FAM240A: variants seen among roughly 807,000 people sequenced by gnomAD.
FAM240A encodes protein FAM240A.
In FAM240A, 8 loss-of-function variants were observed where a neutral mutation model predicts 7.3. The ratio of observed to expected loss-of-function variants is 1.09; its 90% CI spans 0.64 to 1.97. FAM240A has a LOEUF of 1.97. Ranked by LOEUF, FAM240A falls within the 30% of genes most tolerant of loss-of-function variation. The pLI is 0.00. For missense variants in FAM240A, 90 were observed against 102.2 expected, an observed-to-expected ratio of 0.88 and a Z score of 0.52; for synonymous variants, 32 against 35.9, an observed-to-expected ratio of 0.89 and a Z score of 0.38.
intron 1 of FAM240A, 22 bp from the exon 2 acceptor site, chr3:46,617,161 G>T (rs941258087): frequency 1.3e-6 from 2 of 1,484,714 alleles, no homozygotes; most frequent in Admixed American, 2.3e-5. Flanking sequence ...TTGGTTATTT[G>T]TATGGCTATT....
At chr3:46,618,867 GTATATATATATA>G (rs35741930) in intron 2 of FAM240A, among the ~76,000 whole-genome samples, 7,537 of 138,652 alleles carry the variant, frequency 0.054, 646 homozygotes, top group African/African-American at 0.18. Context: ...ATATATATAT[GTATATATATATA>G]TATACACACA....
At chr3:46,618,865 A>G (rs890375590) in intron 2 of FAM240A, among the ~76,000 whole-genome samples, 2 of 75,962 alleles carry the variant, frequency 2.6e-5, no homozygotes, top group African/African-American at 5.0e-5. Context: ...ATATATATAT[A>G]TGTATATATA....
intron 2 of FAM240A, among the ~76,000 whole-genome samples, chr3:46,621,698 C>G (rs1697696664): frequency 6.6e-6 from 1 of 151,954 alleles, no homozygotes; most frequent in Non-Finnish European, 1.5e-5. Context: ...TCACTTGAGC[C>G]TCGGGAGGTC....
intron 2 of FAM240A, among the ~76,000 whole-genome samples, chr3:46,618,095 T>A (rs1161773510): frequency 1.3e-5 from 2 of 151,948 alleles, no homozygotes; most frequent in Admixed American, 1.3e-4. Flanking sequence ...GGTAAGGGAG[T>A]ATGAGACCTT....
intron 2 of FAM240A, among the ~76,000 whole-genome samples, chr3:46,621,653 C>A (rs768532883): frequency 6.6e-6 from 1 of 151,600 alleles, no homozygotes; most frequent in South Asian, 2.1e-4. Context: ...CCAGCTACTG[C>A]GGGGGAAAGG....
Position 46,625,280 on chromosome 3 carries a change from AG to A in FAM240A, c.*63del. ...CACTGAGGTCACTTTGCTAGAAGTC[AG>A]TGCAAATTCCTGAGTCCCTTTGCTA... On this transcript the variant is annotated 3_prime_UTR_variant, in exon 3 of 3. Coordinates refer to ENST00000640551, the MANE Select transcript of FAM240A (RefSeq NM_001195442.2). 7.7e-7 allele frequency: 1 copy of A among 1,295,652 alleles called. No homozygotes were observed. The highest frequency in any genetic ancestry group is 1.1e-6 in the Non-Finnish European group (1 of 935,884). 80.3% of individuals were successfully genotyped at this position (1,295,652 alleles called of 1,614,324 possible).
At chr3:46,617,386 A>C (rs1486275165) in intron 2 of FAM240A, 58 bp downstream of exon 2, 2 of 1,413,474 alleles carry the variant, frequency 1.4e-6, no homozygotes, top group Non-Finnish European at 1.9e-6. Flanking sequence ...TACATCGTAT[A>C]ATTTAGAACA....
At position 46,617,338 on chromosome 3, in the gene FAM240A, T is replaced by A; in HGVS notation, c.161+10T>A. The A allele has an allele frequency of 1.3e-6, 2 of 1,510,764 alleles. No individual in the cohort carries two copies. Among genetic ancestry groups the A allele is most frequent in the Non-Finnish European group, 1.8e-6 (2 of 1,138,052 alleles). 93.6% of individuals were successfully genotyped at this position (1,510,764 alleles called of 1,614,324 possible). A position where few individuals can be genotyped will look rare whatever the true frequency, so the allele number is the denominator to read the frequency against. ...GAAGCGCACTGAGAAAGTATGTGGC[T>A]TGTTTGTCTACTTTTTAGAATTAAT... On this transcript the variant is annotated intron_variant, in intron 2 of 2. Transcript: ENST00000640551.
chr3:46,619,842 C>T (rs1253462295), intron 2 of FAM240A, among the ~76,000 whole-genome samples: 2 of 152,130 alleles, frequency 1.3e-5, no homozygotes, highest in Non-Finnish European at 2.9e-5. Flanking sequence ...GCAAACACCC[C>T]GAGGCAAGGG....
intron 2 of FAM240A, among the ~76,000 whole-genome samples, chr3:46,621,373 A>G (rs982196427): frequency 2.0e-5 from 3 of 152,230 alleles, no homozygotes; most frequent in Non-Finnish European, 4.4e-5. Flanking sequence ...ATATAGCCAA[A>G]CCAACCTTGT....
At position 46,626,267 on chromosome 3, in the gene FAM240A, G is replaced by A. The variant is rs1697760355; in HGVS notation, c.*1049G>A. The A allele has an allele frequency of 6.6e-6, 1 of 152,184 alleles. No homozygotes were observed. The highest frequency in any genetic ancestry group is 2.1e-4 in the South Asian group (1 of 4,828). The allele number at this position is 152,184 out of a possible 1,614,324, so 9.4% of individuals were successfully genotyped here. Reference sequence around the variant, plus strand: ...GGTCTAAGAAGAATGTGTGTTCGGAGTCCCAAGCTAAGGAATCCGGGAGTG... The same window carrying A: ...GGTCTAAGAAGAATGTGTGTTCGGAATCCCAAGCTAAGGAATCCGGGAGTG... On this transcript the variant is annotated 3_prime_UTR_variant, in exon 3 of 3. Coordinates refer to ENST00000640551, the MANE Select transcript of FAM240A (RefSeq NM_001195442.2).
In FAM240A at chr3:46,614,688, T is replaced by G. The variant is rs149602201; in HGVS notation, c.15+1990T>G. On this transcript the variant is annotated intron_variant, in intron 1 of 2. Transcript: ENST00000640551. ...CAGGACAAACGCTCTTACCCAGTGC[T>G]CCTCTGGGCATGGCCCTACATAGGA... 2.2e-3 allele frequency among the ~76,000 whole-genome samples: 329 copies of G among 152,348 alleles called. 1 individual carries two copies. The highest frequency in any genetic ancestry group is 3.4e-3 in the Non-Finnish European group (229 of 68,040).
chr3:46,615,827 C>T (rs1697622143), intron 1 of FAM240A, among the ~76,000 whole-genome samples: 1 of 151,830 alleles, frequency 6.6e-6, no homozygotes, highest in African/African-American at 2.4e-5. Context: ...TAATTCCACA[C>T]ACAAGAGCCC....
chr3:46,617,554 G>C (rs1425459384), intron 2 of FAM240A, among the ~76,000 whole-genome samples: 1 of 152,148 alleles, frequency 6.6e-6, no homozygotes, highest in Non-Finnish European at 1.5e-5. Flanking sequence ...TGTTTTGTAA[G>C]AGCAAAATTA....
At chr3:46,617,454 G>A (rs1405938459) in intron 2 of FAM240A, 126 bp downstream of exon 2, 10 of 729,048 alleles carry the variant, frequency 1.4e-5, no homozygotes, top group South Asian at 5.6e-5. Context: ...GAGCCCCCAC[G>A]CAATTGCCCC....
chr3:46,617,921 G>A (rs143656802), intron 2 of FAM240A, among the ~76,000 whole-genome samples: 100 of 152,314 alleles, frequency 6.6e-4, no homozygotes, highest in African/African-American at 2.3e-3. Flanking sequence ...ACTCCCGTGG[G>A]CAAACGAGGG....
chr3:46,623,952 C>T (rs1011372344), intron 2 of FAM240A, among the ~76,000 whole-genome samples: 1 of 152,124 alleles, frequency 6.6e-6, no homozygotes, highest in Admixed American at 6.5e-5. Flanking sequence ...TTCCCTTTTT[C>T]TCTTTTTATG....
chr3:46,618,852 A>T (rs923915953), intron 2 of FAM240A, among the ~76,000 whole-genome samples: 1 of 102,902 alleles, frequency 9.7e-6, no homozygotes. Context: ...AAAAGAAAAA[A>T]AGATATATAT....
At chr3:46,618,919 ATATG>A (rs1216368359) in intron 2 of FAM240A, among the ~76,000 whole-genome samples, 6 of 70,760 alleles carry the variant, frequency 8.5e-5, no homozygotes, top group South Asian at 4.1e-4. Context: ...ACACACACAC[ATATG>A]CAGTATCTAT....
Sources: allele counts gnomAD v4.1 joint callset (sites outside exome capture counted in the v4.1 genomes callset), GRCh38; gene constraint gnomAD v4.1.1; transcripts MANE v1.5; gene names NCBI Gene and HGNC (gene_info 2026-07-23, HGNC 2026-07-21).